Variants in GRB2 observed in about 807,000 individuals in gnomAD.
The protein encoded by GRB2 is growth factor receptor-bound protein 2.
GRB2 carries 2 observed loss-of-function variants against 27.4 expected under a neutral mutation model. That is an observed-to-expected ratio of 0.07 (90% confidence interval 0.03 to 0.23). GRB2 has a LOEUF of 0.23. Among genes scored for constraint, GRB2 ranks in the 10% least tolerant of loss-of-function variants. The pLI is 1.00. For synonymous variants in GRB2, 94 were observed against 99.6 expected, an observed-to-expected ratio of 0.94 and a Z score of 0.33; for missense variants, 102 against 282.4, an observed-to-expected ratio of 0.36 and a Z score of 4.58.
At chr17:75,385,783 T>C (rs1233460707) in intron 2 of GRB2, among the ~76,000 whole-genome samples, 4 of 152,234 alleles carry the variant, frequency 2.6e-5, no homozygotes, top group Admixed American at 2.0e-4. Context: ...GTTATATTAT[T>C]ACTTATTAAA....
At chr17:75,327,012 A>G (rs1194654281) in intron 3 of GRB2, among the ~76,000 whole-genome samples, 2 of 152,156 alleles carry the variant, frequency 1.3e-5, no homozygotes, top group African/African-American at 4.8e-5. Flanking sequence ...TATAATATCA[A>G]AAGTCCTTTT....
intron 2 of GRB2, chr17:75,372,341 G>A (rs1195143232): frequency 6.6e-6 from 1 of 152,306 alleles, no homozygotes; most frequent in Non-Finnish European, 1.5e-5. Context: ...CACAAGGAAA[G>A]GGAACAGTGC....
chr17:75,398,808 C>T (rs936722676), intron 1 of GRB2, among the ~76,000 whole-genome samples: 2 of 151,644 alleles, frequency 1.3e-5, no homozygotes, highest in East Asian at 1.9e-4. Context: ...AGTGCAGTGG[C>T]GTGATCTCCG....
chr17:75,347,424 G>T (rs2078662507), intron 2 of GRB2, among the ~76,000 whole-genome samples: 1 of 152,076 alleles, frequency 6.6e-6, no homozygotes, highest in Non-Finnish European at 1.5e-5. Context: ...CCATCTTTGA[G>T]TGGTGCCTTT....
intron 2 of GRB2, among the ~76,000 whole-genome samples, chr17:75,384,449 G>A (rs964908748): frequency 3.3e-5 from 5 of 152,038 alleles, no homozygotes; most frequent in Admixed American, 3.3e-4. Context: ...CGGGTGGATC[G>A]CCTGAGGTCG....
At position 75,324,500 on chromosome 17, in the gene GRB2, G is replaced by A. The variant is rs1373606046; in HGVS notation, c.299+1398C>T. The stretch of plus-strand genomic sequence containing the variant: ...GCTGGGATTACAGGTGTGAGCCACC[G>A]CACCCAGTTTTTTTTTTTTTTTTTT... On this transcript the variant is annotated intron_variant, in intron 4 of 5. Coordinates refer to ENST00000316804, the MANE Select transcript of GRB2 (RefSeq NM_002086.5). Among the ~76,000 whole-genome samples, 12 of 108,166 alleles carry A rather than the reference G, an allele frequency of 1.1e-4. No homozygotes were observed. The South Asian group carries it at 1.7e-3, about 15-fold the overall frequency. The allele number at this position is 108,166 out of a possible 152,430, so 71.0% of individuals were successfully genotyped here.
intron 2 of GRB2, among the ~76,000 whole-genome samples, chr17:75,343,756 G>C (rs1285978536): frequency 1.3e-5 from 2 of 152,144 alleles, no homozygotes; most frequent in Non-Finnish European, 2.9e-5. Flanking sequence ...TGCGTTTTGT[G>C]ACATGTGGAA....
At chr17:75,333,498 A>T (rs545398776) in intron 2 of GRB2, among the ~76,000 whole-genome samples, 1 of 152,248 alleles carries the variant, frequency 6.6e-6, no homozygotes, top group South Asian at 2.1e-4. Flanking sequence ...TGGGAGAGAG[A>T]GGTGTCACAG....
intron 2 of GRB2, among the ~76,000 whole-genome samples, chr17:75,388,623 T>G (rs1462850043): frequency 6.6e-6 from 1 of 151,590 alleles, no homozygotes; most frequent in Non-Finnish European, 1.5e-5. Context: ...TTTTTTAATT[T>G]GGAGATGGGG....
chr17:75,357,717 T>C (rs2078742590), intron 2 of GRB2, among the ~76,000 whole-genome samples: 1 of 152,182 alleles, frequency 6.6e-6, no homozygotes, highest in Non-Finnish European at 1.5e-5. Context: ...CGTCACAAGT[T>C]CGAGACCAGC....
At chr17:75,325,080 T>C (rs1316826553) in intron 4 of GRB2, among the ~76,000 whole-genome samples, 1 of 151,790 alleles carries the variant, frequency 6.6e-6, no homozygotes, top group Non-Finnish European at 1.5e-5. Context: ...GTCTCAAAAA[T>C]AAGTAAATAA....
At chr17:75,339,486 T>C (rs975311438) in intron 2 of GRB2, among the ~76,000 whole-genome samples, 1 of 151,978 alleles carries the variant, frequency 6.6e-6, no homozygotes, top group Non-Finnish European at 1.5e-5. Flanking sequence ...TATATATATA[T>C]ATGTACAAGT....
intron 1 of GRB2, among the ~76,000 whole-genome samples, chr17:75,398,976 G>A (rs923927631): frequency 5.9e-5 from 9 of 151,808 alleles, no homozygotes; most frequent in South Asian, 2.1e-4. Context: ...TTGAACTCCC[G>A]ACCTCAGGTG....
At chr17:75,393,871 G>C in intron 1 of GRB2, 106 bp from the exon 2 acceptor site, 2 of 532,352 alleles carry the variant, frequency 3.8e-6, no homozygotes, top group African/African-American at 1.9e-5. Flanking sequence ...GCTCGGCCTG[G>C]CTCAGCCCTC....
At chr17:75,356,054 G>A (rs989054537) in intron 2 of GRB2, among the ~76,000 whole-genome samples, 5 of 151,626 alleles carry the variant, frequency 3.3e-5, no homozygotes, top group Non-Finnish European at 7.4e-5. Flanking sequence ...GGCTGGTGTC[G>A]AACTCCTGAG....
intron 2 of GRB2, among the ~76,000 whole-genome samples, chr17:75,366,246 G>A (rs76029276): frequency 0.018 from 2,785 of 152,090 alleles, 29 homozygotes; most frequent in Non-Finnish European, 0.027. Context: ...TCAACGTTTC[G>A]ATTATGTGAG....
intron 2 of GRB2, among the ~76,000 whole-genome samples, chr17:75,344,208 T>C (rs1025890559): frequency 7.2e-5 from 11 of 152,156 alleles, no homozygotes; most frequent in African/African-American, 1.2e-4. Context: ...CATCTTTAGC[T>C]CTGCTTAGTC....
intron 3 of GRB2, among the ~76,000 whole-genome samples, chr17:75,330,251 A>G (rs1481168734): frequency 6.6e-6 from 1 of 151,998 alleles, no homozygotes; most frequent in African/African-American, 2.4e-5. Flanking sequence ...GCATGGTGGC[A>G]CATGCCTGTA....
chr17:75,371,394 C>A (rs979063356), intron 2 of GRB2: 3 of 152,028 alleles, frequency 2.0e-5, no homozygotes, highest in African/African-American at 7.3e-5. Context: ...TCAGGCAGGA[C>A]AACATTGAGT....
Sources: gnomAD v4.1 joint callset for allele counts (sites outside exome capture counted in the v4.1 genomes callset) on GRCh38, gnomAD v4.1.1 for gene constraint, MANE v1.5 for transcripts, NCBI Gene and HGNC (gene_info 2026-07-23, HGNC 2026-07-21) for gene names.